The following TLE1 variants were observed in gnomAD, a reference collection of about 807,000 sequenced individuals.
TLE1 encodes the protein TLE family member 1, transcriptional corepressor, also known as transducin-like enhancer protein 1.
TLE1 carries 21 observed loss-of-function variants against 89.8 expected under a neutral mutation model. That is an observed-to-expected ratio of 0.23 (90% confidence interval 0.17 to 0.34). TLE1 has a LOEUF of 0.34. Among genes scored for constraint, TLE1 ranks in the 10% least tolerant of loss-of-function variants. The probability of loss-of-function intolerance (pLI) is 1.00; values close to 1 mark genes in which losing one functional copy is unlikely to be tolerated. For missense variants in TLE1, 795 were observed against 1,031.2 expected (o/e 0.77, Z 3.14); for synonymous variants, 447 against 407.6 (o/e 1.10, Z -1.16).
At chr9:81,597,540 G>A (rs1830395067) in intron 14 of TLE1, among the ~76,000 whole-genome samples, 1 of 152,140 alleles carries the variant, frequency 6.6e-6, no homozygotes, top group African/African-American at 2.4e-5. Context: ...GCAAACTGCA[G>A]GGCAGACAGT....
At chr9:81,647,276 T>C (rs1185807263) in intron 6 of TLE1, among the ~76,000 whole-genome samples, 2 of 152,224 alleles carry the variant, frequency 1.3e-5, no homozygotes, top group East Asian at 1.9e-4. Flanking sequence ...TATAACCTCT[T>C]GTGCCAACAA....
At chr9:81,685,987 G>C (rs1834219730) in intron 2 of TLE1, 91 bp from the exon 3 acceptor site, 3 of 1,392,626 alleles carry the variant, frequency 2.2e-6, no homozygotes, top group Non-Finnish European at 3.0e-6. Flanking sequence ...TAAAAACACA[G>C]ACCAATTTGG....
intron 6 of TLE1, among the ~76,000 whole-genome samples, chr9:81,650,141 T>C (rs1829364771): frequency 1.3e-5 from 2 of 152,320 alleles, no homozygotes; most frequent in East Asian, 1.9e-4. Flanking sequence ...ACATTTTTCC[T>C]GGACTAAAGC....
intron 4 of TLE1, among the ~76,000 whole-genome samples, chr9:81,676,857 G>A (rs1033867772): frequency 3.3e-5 from 5 of 152,222 alleles, no homozygotes; most frequent in Non-Finnish European, 7.3e-5. Flanking sequence ...AATGGAATGT[G>A]TGCTGACATT....
At chr9:81,640,513 G>A (rs1377136662) in intron 6 of TLE1, among the ~76,000 whole-genome samples, 1 of 152,092 alleles carries the variant, frequency 6.6e-6, no homozygotes, top group Non-Finnish European at 1.5e-5. Context: ...TCAGATTTGG[G>A]GATAAAGAGA....
chr9:81,590,615 G>A lies in TLE1; in HGVS notation c.1829+190C>T, dbSNP rs79580646. 3.1e-3 allele frequency among the ~76,000 whole-genome samples: 471 copies of A among 152,336 alleles called. 1 individual carries two copies. The highest frequency in any genetic ancestry group is 0.011 in the African/African-American group (454 of 41,578). ...GATAGAAAGTCTCGGGTGACACCAG[G>A]CATAGTAATAAGACTGTAAGCCCCC... is the stretch of plus-strand genomic sequence containing the variant. On this transcript the variant is annotated intron_variant, in intron 16 of 19. Coordinates refer to ENST00000376499, the MANE Select transcript of TLE1 (RefSeq NM_005077.5).
intron 4 of TLE1, among the ~76,000 whole-genome samples, chr9:81,654,490 G>T (rs1407733325): frequency 6.6e-6 from 1 of 152,046 alleles, no homozygotes; most frequent in Non-Finnish European, 1.5e-5. Flanking sequence ...ACAGGCGCCC[G>T]CCACCACTCC....
At chr9:81,665,760 T>C (rs984596654) in intron 4 of TLE1, among the ~76,000 whole-genome samples, 9 of 152,244 alleles carry the variant, frequency 5.9e-5, no homozygotes, top group African/African-American at 2.2e-4. Context: ...CATCAAAGAA[T>C]GACAAAGCAA....
Position 81,587,775 on chromosome 9 carries a change from C to T in TLE1, c.1883G>A (p.Gly628Asp). 2 of 1,614,170 alleles carry T rather than the reference C, an allele frequency of 1.2e-6. No individual in the cohort carries two copies. The highest frequency in any genetic ancestry group is 1.1e-5 in the South Asian group (1 of 91,082). Reference sequence around the variant, plus strand: ...CAAACCACCCGTCCAGAGCTTGGTGCCATCATTAGAAATGTCAATACAGCT... The same window carrying T: ...CAAACCACCCGTCCAGAGCTTGGTGTCATCATTAGAAATGTCAATACAGCT... The part of the protein sequence containing the change: ...GASCIDISND[G>D]TKLWTGGLDN... The change falls in exon 17 of 20, where the codon GGC (glycine) becomes GAC (aspartate). Residue 628 changes from glycine to aspartate, a missense_variant. By Grantham distance (94) the Gly-to-Asp change is moderately conservative. Around this residue, in one of 4 missense-constraint regions of TLE1, gnomAD observed 214 missense variants for 354.9 expected, o/e 0.60. Coordinates refer to ENST00000376499, the MANE Select transcript of TLE1 (RefSeq NM_005077.5).
intron 6 of TLE1, among the ~76,000 whole-genome samples, chr9:81,638,206 C>G (rs1370189583): frequency 6.6e-6 from 1 of 152,208 alleles, no homozygotes; most frequent in African/African-American, 2.4e-5. Flanking sequence ...CCTGTCCCCC[C>G]TTCTCAATGC....
intron 7 of TLE1, 42 bp downstream of exon 7, chr9:81,634,055 G>C (rs1827050503): frequency 6.4e-7 from 1 of 1,571,616 alleles, no homozygotes; most frequent in South Asian, 1.2e-5. Flanking sequence ...CACTGTAAGA[G>C]TATGAGGACA....
chr9:81,639,588 G>GTT lies in TLE1; in HGVS notation c.373-5289_373-5288dup, dbSNP rs374444332. Among the ~76,000 whole-genome samples the GTT allele has an allele frequency of 4.1e-4, 51 of 123,484 alleles. 1 individual carries two copies. Among genetic ancestry groups the GTT allele is most frequent in the South Asian group, 7.8e-4 (3 of 3,826 alleles). 81.0% of individuals were successfully genotyped at this position (123,484 alleles called of 152,430 possible). A position where few individuals can be genotyped will look rare whatever the true frequency, so the allele number is the denominator to read the frequency against. On this transcript the variant is annotated intron_variant, in intron 6 of 19. Coordinates refer to ENST00000376499, the MANE Select transcript of TLE1 (RefSeq NM_005077.5). Reference sequence around the variant, plus strand: ...TTAGTAAAAGTTGTTTTTTTTTTTTGTTTTTTTTTTTTTTGAGACAGTCTC... The same window carrying GTT: ...TTAGTAAAAGTTGTTTTTTTTTTTTGTTTTTTTTTTTTTTTTGAGACAGTCTC...
At chr9:81,587,924 G>GTGTCATCCCGCC (rs71699706) in intron 16 of TLE1, 96 bp from the exon 17 acceptor site, 10,715 of 982,404 alleles carry the variant, frequency 0.011, 383 homozygotes, top group South Asian at 0.022. Context: ...GTGTGTGTGT[G>GTGTCATCCCGCC]TGTGTGTGTG....
intron 6 of TLE1, among the ~76,000 whole-genome samples, chr9:81,637,599 G>C (rs1323707814): frequency 6.6e-6 from 1 of 151,382 alleles, no homozygotes; most frequent in Non-Finnish European, 1.5e-5. Context: ...TGTTATTAGA[G>C]GTAACTGGGT....
chr9:81,688,440 C>T lies in TLE1; in HGVS notation c.-200G>A, dbSNP rs1424951646. 3.8e-6 allele frequency: 2 copies of T among 526,334 alleles called. No individual in the cohort carries two copies. The highest frequency in any genetic ancestry group is 3.7e-5 in the East Asian group (1 of 27,032). The allele number at this position is 526,334 out of a possible 1,614,324, so 32.6% of individuals were successfully genotyped here. ...CGGCTCCCGCTCCCGTCGGTGCGGG[C>T]TCCGGCCCTCAGGGCCACATTAGTG... On this transcript the variant is annotated 5_prime_UTR_variant, in exon 1 of 20. Coordinates refer to ENST00000376499, the MANE Select transcript of TLE1 (RefSeq NM_005077.5).
At chr9:81,624,081 A>T in intron 8 of TLE1, among the ~76,000 whole-genome samples, 1 of 152,142 alleles carries the variant, frequency 6.6e-6, no homozygotes, top group East Asian at 1.9e-4. Flanking sequence ...TACATGGAAC[A>T]CTTGTACCCA....
Position 81,620,728 on chromosome 9 carries a change from C to T in TLE1, c.595-171G>A, listed in dbSNP as rs183928558. 8 of 985,426 alleles carry T rather than the reference C, an allele frequency of 8.1e-6. No individual in the cohort carries two copies. The East Asian group carries it at 6.8e-4, about 84-fold the overall frequency. The allele number at this position is 985,426 out of a possible 1,614,324, so 61.0% of individuals were successfully genotyped here. A position where few individuals can be genotyped will look rare whatever the true frequency, so the allele number is the denominator to read the frequency against. On this transcript the variant is annotated intron_variant, in intron 8 of 19. Coordinates refer to ENST00000376499, the MANE Select transcript of TLE1 (RefSeq NM_005077.5). ...TGGCAAACATATCTACAGGTTTACA[C>T]ACTTAAAAGGGAGACCCTGACTTTG... is the stretch of plus-strand genomic sequence containing the variant.
intron 4 of TLE1, among the ~76,000 whole-genome samples, chr9:81,676,622 G>T (rs1372209598): frequency 2.0e-5 from 3 of 152,188 alleles, no homozygotes; most frequent in African/African-American, 7.2e-5. Flanking sequence ...AGTACTCAGG[G>T]GTAGACACAG....
intron 8 of TLE1, among the ~76,000 whole-genome samples, chr9:81,631,804 A>C (rs946044562): frequency 2.0e-5 from 3 of 152,268 alleles, no homozygotes; most frequent in East Asian, 3.8e-4. Context: ...CTGAACAGAC[A>C]TAAAAGATGA....
Sources: allele counts gnomAD v4.1 joint callset (sites outside exome capture counted in the v4.1 genomes callset), GRCh38; gene constraint gnomAD v4.1.1; regional missense constraint gnomAD v4.1.1; transcripts MANE v1.5; gene names NCBI Gene and HGNC (gene_info 2026-07-23, HGNC 2026-07-21).